GPATCH2: variants seen among roughly 807,000 people sequenced by gnomAD.
The protein encoded by GPATCH2 is G-patch domain containing 2.
In GPATCH2, 51 loss-of-function variants were observed where a neutral mutation model predicts 58.0. The observed-to-expected ratio is 0.88, with a 90% CI of 0.70 to 1.11. The LOEUF (loss-of-function observed/expected upper bound fraction) is 1.11, where lower values mean the gene tolerates loss of function less well. Among genes scored for constraint, GPATCH2 ranks in the 50% most tolerant of loss-of-function variants. GPATCH2 has a pLI of 0.00. For missense variants in GPATCH2, 625 were observed against 652.2 expected (o/e 0.96, Z 0.45); for synonymous variants, 222 against 218.5 (o/e 1.02, Z -0.14).
chr1:217,489,726 G>A (rs1315164644), intron 8 of GPATCH2, among the ~76,000 whole-genome samples: 1 of 152,198 alleles, frequency 6.6e-6, no homozygotes, highest in Non-Finnish European at 1.5e-5. Flanking sequence ...GCCGGGTGTG[G>A]CGGCACATGC....
At chr1:217,548,909 C>G (rs1665208829) in intron 5 of GPATCH2, among the ~76,000 whole-genome samples, 1 of 152,146 alleles carries the variant, frequency 6.6e-6, no homozygotes, top group Non-Finnish European at 1.5e-5. Context: ...TTATAGTATA[C>G]CCAGTCTCGG....
chr1:217,587,634 G>C (rs577142944), intron 5 of GPATCH2, among the ~76,000 whole-genome samples: 1 of 152,172 alleles, frequency 6.6e-6, no homozygotes, highest in Admixed American at 6.5e-5. Flanking sequence ...CTAATCACAA[G>C]GTCACTGTTA....
At chr1:217,608,759 A>C (rs1281896666) in intron 5 of GPATCH2, 4 of 982,448 alleles carry the variant, frequency 4.1e-6, no homozygotes, top group Non-Finnish European at 4.8e-6. Context: ...CAGAAAAAAA[A>C]CATGAATTTT....
intron 8 of GPATCH2, among the ~76,000 whole-genome samples, chr1:217,453,931 A>C (rs1476785914): frequency 6.6e-6 from 1 of 152,192 alleles, no homozygotes; most frequent in Non-Finnish European, 1.5e-5. Flanking sequence ...CAAAACAGAC[A>C]AACAGACGTG....
At chr1:217,587,797 CAGT>C (rs1477360630) in intron 5 of GPATCH2, among the ~76,000 whole-genome samples, 1 of 152,052 alleles carries the variant, frequency 6.6e-6, no homozygotes, top group Non-Finnish European at 1.5e-5. Flanking sequence ...AAAATATTTT[CAGT>C]AGGACGACTA....
chr1:217,501,380 T>C (rs1463745329), intron 6 of GPATCH2, among the ~76,000 whole-genome samples: 1 of 152,154 alleles, frequency 6.6e-6, no homozygotes, highest in African/African-American at 2.4e-5. Flanking sequence ...AATTTTGGGC[T>C]ATTATGAATA....
At chr1:217,569,643 G>A (rs573450508) in intron 5 of GPATCH2, among the ~76,000 whole-genome samples, 8 of 152,210 alleles carry the variant, frequency 5.3e-5, no homozygotes, top group East Asian at 1.9e-4. Flanking sequence ...TGCAGTGAGC[G>A]AAGACTGCAC....
chr1:217,495,839 A>G (rs990490401), intron 7 of GPATCH2, among the ~76,000 whole-genome samples: 4 of 152,240 alleles, frequency 2.6e-5, no homozygotes, highest in African/African-American at 9.6e-5. Context: ...TAACAAATGT[A>G]TAGTAAAGGC....
At chr1:217,543,923 T>C (rs1390777148) in intron 5 of GPATCH2, among the ~76,000 whole-genome samples, 5 of 152,226 alleles carry the variant, frequency 3.3e-5, no homozygotes, top group Admixed American at 6.5e-5. Context: ...TTTCTCAGGC[T>C]CGCTTGGCTA....
rs754223713 is a variant in GPATCH2, at chr1:217,619,791, C to A, written c.765G>T (p.Met255Ile). The change falls in exon 2 of 10, where the codon ATG becomes ATT. Residue 255 changes from methionine (M) to isoleucine (I), a missense_variant. Transcript: ENST00000366935. ...GAGAATATAAAAGTCACCTTTCACT[C>A]ATGAGCTCATCTGAGACTTTTTGCT... ...CEEQKVSDEL[M>I]SESDSSSLSS... 1.5e-5 allele frequency: 22 copies of A among 1,513,438 alleles called. No homozygotes were observed. The South Asian group carries it at 2.4e-4, about 17-fold the overall frequency. The allele number at this position is 1,513,438 out of a possible 1,614,324, so 93.8% of individuals were successfully genotyped here.
At chr1:217,600,837 A>G (rs1480227938) in intron 5 of GPATCH2, among the ~76,000 whole-genome samples, 1 of 152,172 alleles carries the variant, frequency 6.6e-6, no homozygotes, top group Non-Finnish European at 1.5e-5. Flanking sequence ...TTGTTAGGAT[A>G]CAAAAAAGAA....
At chr1:217,454,588 C>CAA (rs34571192) in intron 8 of GPATCH2, among the ~76,000 whole-genome samples, 2,643 of 57,248 alleles carry the variant, frequency 0.046, 82 homozygotes, top group South Asian at 0.063. Context: ...GACTCTGTCT[C>CAA]AAAAAAAAAA....
intron 3 of GPATCH2, among the ~76,000 whole-genome samples, chr1:217,612,700 T>C (rs1400822574): frequency 6.6e-6 from 1 of 152,172 alleles, no homozygotes; most frequent in Non-Finnish European, 1.5e-5. Context: ...AAAATAAAGT[T>C]ATTTTATTTT....
intron 8 of GPATCH2, among the ~76,000 whole-genome samples, chr1:217,464,870 T>C (rs1660371185): frequency 6.6e-6 from 1 of 152,010 alleles, no homozygotes; most frequent in Non-Finnish European, 1.5e-5. Context: ...ATAAGAACGA[T>C]TATTAAAAGG....
Position 217,429,322 on chromosome 1 carries a change from C to G in GPATCH2, c.*1823G>C, listed in dbSNP as rs1159936938. On this transcript the variant is annotated 3_prime_UTR_variant, in exon 10 of 10. Transcript: ENST00000366935. ...GTAAGAATGCTTCAAAAGAACATCT[C>G]TTCTGGTCGTCCATAGTTCCCTAAC... is the stretch of plus-strand genomic sequence containing the variant. 6.6e-6 allele frequency: 1 copy of G among 152,154 alleles called. No homozygotes were observed. Among genetic ancestry groups the G allele is most frequent in the Non-Finnish European group, 1.5e-5 (1 of 68,026 alleles). 9.4% of individuals were successfully genotyped at this position (152,154 alleles called of 1,614,324 possible).
At chr1:217,530,472 C>T (rs2102620836) in intron 5 of GPATCH2, among the ~76,000 whole-genome samples, 1 of 152,164 alleles carries the variant, frequency 6.6e-6, no homozygotes, top group African/African-American at 2.4e-5. Flanking sequence ...AGTACAATCT[C>T]AATAATAAGA....
intron 8 of GPATCH2, among the ~76,000 whole-genome samples, chr1:217,450,245 A>C (rs1219272335): frequency 6.6e-6 from 1 of 152,132 alleles, no homozygotes; most frequent in East Asian, 1.9e-4. Flanking sequence ...CATGTTTATG[A>C]CAACCCATGT....
At chr1:217,563,836 G>A (rs1666055683) in intron 5 of GPATCH2, among the ~76,000 whole-genome samples, 2 of 151,996 alleles carry the variant, frequency 1.3e-5, no homozygotes, top group African/African-American at 2.4e-5. Flanking sequence ...CCTGAGGTAA[G>A]GAGTTCGAGA....
At chr1:217,497,844 G>A (rs964842392) in intron 7 of GPATCH2, among the ~76,000 whole-genome samples, 3 of 152,090 alleles carry the variant, frequency 2.0e-5, no homozygotes, top group Non-Finnish European at 4.4e-5. Flanking sequence ...AAAAATAACT[G>A]TAATGAATGT....
Sources: gnomAD v4.1 joint callset for allele counts (sites outside exome capture counted in the v4.1 genomes callset) on GRCh38, gnomAD v4.1.1 for gene constraint, MANE v1.5 for transcripts, NCBI Gene and HGNC (gene_info 2026-07-23, HGNC 2026-07-21) for gene names.